ESYT3: variants seen among roughly 807,000 people sequenced by gnomAD.
The protein encoded by ESYT3 is extended synaptotagmin 3.
ESYT3 carries 101 observed loss-of-function variants against 111.5 expected under a neutral mutation model. That is an observed-to-expected ratio of 0.91 (90% CI 0.77 to 1.07). The LOEUF (loss-of-function observed/expected upper bound fraction) is 1.07. Among genes scored for constraint, ESYT3 ranks in the 50% least tolerant of loss-of-function variants. The pLI is 0.00. For missense variants in ESYT3, 1,097 were observed against 1,109.4 expected (o/e 0.99, Z 0.16); for synonymous variants, 416 against 446.8 (o/e 0.93, Z 0.87).
At position 138,465,301 on chromosome 3, in the gene ESYT3, T is replaced by A. The variant is rs116694408; in HGVS notation, c.1087-38T>A. 5,602 of 1,492,016 alleles carry A rather than the reference T, an allele frequency of 3.8e-3. 187 individuals are homozygous for A. In the African/African-American group the frequency reaches 0.067, roughly 18 times the overall value. The allele number at this position is 1,492,016 out of a possible 1,614,324, so 92.4% of individuals were successfully genotyped here. ...CCTTTGGGTCATATGTCAGGTCGAC[T>A]GTTGCCTGCAGGTCAAGACACCTCT... On this transcript the variant is annotated intron_variant, in intron 9 of 22. Transcript: ENST00000389567.
In ESYT3 at chr3:138,462,083, C is replaced by T; in HGVS notation, c.795-3C>T. 1.2e-6 allele frequency: 2 copies of T among 1,614,062 alleles called. No individual in the cohort carries two copies. The highest frequency in any genetic ancestry group is 1.1e-5 in the South Asian group (1 of 91,078). ...TCCACAGCTGGTCCTGCCTTGTGTC[C>T]AGTGATGTGTCAGACAGCTTACTGG... On this transcript the variant is annotated splice_region_variant and splice_polypyrimidine_tract_variant and intron_variant, in intron 7 of 22. Transcript: ENST00000389567.
At chr3:138,474,778 G>C (rs2033408010) in intron 20 of ESYT3, 1 of 154,432 alleles carries the variant, frequency 6.5e-6, no homozygotes, top group African/African-American at 2.4e-5. Context: ...CATAGGTGAT[G>C]GGTAGAGGAG....
intron 15 of ESYT3, 91 bp from the exon 16 acceptor site, chr3:138,469,969 G>T: frequency 9.1e-7 from 1 of 1,098,076 alleles, no homozygotes; most frequent in Non-Finnish European, 1.3e-6. Context: ...GTTCCCAATG[G>T]TACCTGGTGG....
rs539984092 is a variant in ESYT3, at chr3:138,438,645, A to G, written c.327+3520A>G. Among the ~76,000 whole-genome samples the G allele has an allele frequency of 1.9e-3, 294 of 152,224 alleles. 1 individual carries two copies. Among genetic ancestry groups the G allele is most frequent in the Non-Finnish European group, 3.6e-3 (247 of 68,002 alleles). ...GATGCTACCTCCAGGTGATCATAGA[A>G]ATTTGCTTTCCCTGACTGAACCTGT... On this transcript the variant is annotated intron_variant, in intron 1 of 22. Transcript: ENST00000389567.
At chr3:138,452,539 A>G (rs531335898) in intron 2 of ESYT3, among the ~76,000 whole-genome samples, 39 of 152,258 alleles carry the variant, frequency 2.6e-4, no homozygotes, top group Admixed American at 7.8e-4. Context: ...GGCTCGATTC[A>G]CTGACATCAC....
chr3:138,454,650 C>A (rs188110024), intron 2 of ESYT3, among the ~76,000 whole-genome samples: 475 of 152,336 alleles, frequency 3.1e-3, no homozygotes, highest in African/African-American at 0.01. Flanking sequence ...TTTCCACCAT[C>A]CTCCCCTGTC....
In ESYT3 at chr3:138,472,865, C is replaced by G. The variant is rs763156930; in HGVS notation, c.2237+6C>G. Reference sequence around the variant, plus strand: ...GATATCAGCCTCAACATTGAGTATGCACCTCTCTGCTTAATCTTTTCTAAA... The same window carrying G: ...GATATCAGCCTCAACATTGAGTATGGACCTCTCTGCTTAATCTTTTCTAAA... On this transcript the variant is annotated splice_donor_region_variant and intron_variant, in intron 18 of 22. Transcript: ENST00000389567. 1.9e-6 allele frequency: 3 copies of G among 1,609,140 alleles called. No homozygotes were observed. The South Asian group carries it at 3.3e-5, about 18-fold the overall frequency.
intron 8 of ESYT3, 128 bp from the exon 9 acceptor site, chr3:138,464,217 C>G: frequency 9.3e-7 from 1 of 1,076,992 alleles, no homozygotes; most frequent in Non-Finnish European, 1.3e-6. Flanking sequence ...TGGCTTCTAT[C>G]TCCTGGTCCA....
At chr3:138,469,113 A>G (rs981181389) in intron 14 of ESYT3, 11 of 605,284 alleles carry the variant, frequency 1.8e-5, no homozygotes, top group Non-Finnish European at 2.9e-5. Context: ...TTTTATTACC[A>G]TTTTCTGGGT....
Position 138,476,943 on chromosome 3 carries a change from T to C in ESYT3, c.*89T>C. ...TTGGATCACTTACATCCAATATATG[T>C]ATATTTTGTCATTTAAATCAGAACA... is the stretch of plus-strand genomic sequence containing the variant. On this transcript the variant is annotated 3_prime_UTR_variant, in exon 23 of 23. Coordinates refer to ENST00000389567, the MANE Select transcript of ESYT3 (RefSeq NM_031913.5). The C allele has an allele frequency of 9.9e-7, 1 of 1,006,326 alleles. No homozygotes were observed. Among genetic ancestry groups the C allele is most frequent in the African/African-American group, 1.7e-5 (1 of 60,554 alleles). The allele number at this position is 1,006,326 out of a possible 1,614,324, so 62.3% of individuals were successfully genotyped here. A position where few individuals can be genotyped will look rare whatever the true frequency, so the allele number is the denominator to read the frequency against.
At chr3:138,458,647 C>T (rs1357174982) in intron 4 of ESYT3, among the ~76,000 whole-genome samples, 2 of 152,236 alleles carry the variant, frequency 1.3e-5, no homozygotes, top group East Asian at 3.9e-4. Context: ...TCCCTGTGCC[C>T]ATCACCTGGC....
chr3:138,481,297 T>A (rs1051382492), downstream of ESYT3: 11 of 152,094 alleles, frequency 7.2e-5, no homozygotes, highest in African/African-American at 2.4e-4. Context: ...CCCAACTACT[T>A]GGAAGGCCGA....
chr3:138,437,475 G>T (rs2030804455), intron 1 of ESYT3, among the ~76,000 whole-genome samples: 1 of 152,216 alleles, frequency 6.6e-6, no homozygotes, highest in African/African-American at 2.4e-5. Flanking sequence ...GCCGAGGGAG[G>T]TGGTGAGCAC....
In ESYT3 at chr3:138,434,803, G is replaced by C; in HGVS notation, c.5G>C (p.Arg2Pro). MRAEEPCAPGAP... is the reference protein window; with the variant it reads MPAEEPCAPGAP... The stretch of plus-strand genomic sequence containing the variant: ...GGGCAAGACTGCGGCGACGAGATGC[G>C]AGCAGAGGAGCCCTGCGCCCCCGGG... The change falls in exon 1 of 23, where the codon CGA (arginine) becomes CCA (proline). Residue 2 changes from arginine to proline, a missense_variant. Coordinates refer to ENST00000389567, the MANE Select transcript of ESYT3 (RefSeq NM_031913.5). 6.4e-7 allele frequency: 1 copy of C among 1,555,690 alleles called. No homozygotes were observed. Among genetic ancestry groups the C allele is most frequent in the Non-Finnish European group, 8.7e-7 (1 of 1,154,322 alleles).
Position 138,478,806 on chromosome 3 carries a change from A to C in ESYT3, c.*1952A>C, listed in dbSNP as rs977926231. ...GTTAATACCTTGGCTGCCACTGAGG[A>C]CAAGAATTGGTTTTCAGCAGTGGGT... On this transcript the variant is annotated 3_prime_UTR_variant, in exon 23 of 23. Coordinates refer to ENST00000389567, the MANE Select transcript of ESYT3 (RefSeq NM_031913.5). The C allele has an allele frequency of 6.6e-6, 1 of 152,234 alleles. No homozygotes were observed. The highest frequency in any genetic ancestry group is 1.5e-5 in the Non-Finnish European group (1 of 68,058). 9.4% of individuals were successfully genotyped at this position (152,234 alleles called of 1,614,324 possible).
rs1236852504 is a variant in ESYT3, at chr3:138,467,615, G to A, written c.1218+6G>A. 1 of 1,613,950 alleles carries A rather than the reference G, an allele frequency of 6.2e-7. No individual in the cohort carries two copies. The highest frequency in any genetic ancestry group is 8.5e-7 in the Non-Finnish European group (1 of 1,179,986). The stretch of plus-strand genomic sequence containing the variant: ...CCAACAGAGTGGTGGATGAGGTACA[G>A]TTGGTGCTTGCAACCCTCGGGGGAG... On this transcript the variant is annotated splice_donor_region_variant and intron_variant, in intron 11 of 22. Coordinates refer to ENST00000389567, the MANE Select transcript of ESYT3 (RefSeq NM_031913.5).
rs778675554 is a variant in ESYT3 at position 138,440,368 on chromosome 3, A to C, written c.327+5243A>C. ...GCTTACCTAGTGCTGAGAGCTTGAC[A>C]TTCTTTCTGTGGTTGGAGCAGCAGT... On this transcript the variant is annotated intron_variant, in intron 1 of 22. Coordinates refer to ENST00000389567, the MANE Select transcript of ESYT3 (RefSeq NM_031913.5). This position sits in a 1 kb window ranked among gnomAD's most constrained non-coding sequence, Gnocchi z 4.2. Among the ~76,000 whole-genome samples the C allele has an allele frequency of 5.9e-5, 9 of 152,206 alleles. No individual in the cohort carries two copies. Among genetic ancestry groups the C allele is most frequent in the Non-Finnish European group, 1.5e-5 (1 of 68,036 alleles).
chr3:138,467,801 G>A (rs942566841), intron 11 of ESYT3, among the ~76,000 whole-genome samples, 192 bp downstream of exon 11: 2 of 152,182 alleles, frequency 1.3e-5, no homozygotes, highest in African/African-American at 2.4e-5. Flanking sequence ...GCTGGAAGAA[G>A]TTTCCCTGGG....
intron 16 of ESYT3, 59 bp downstream of exon 16, chr3:138,470,205 G>A (rs1576463725): frequency 2.6e-6 from 4 of 1,567,532 alleles, no homozygotes; most frequent in African/African-American, 2.7e-5. Context: ...CAGGCGGGCT[G>A]GGAAGCTTGA....
Sources: gnomAD v4.1 joint callset for allele counts (sites outside exome capture counted in the v4.1 genomes callset) on GRCh38, gnomAD v4.1.1 for gene constraint, Gnocchi (gnomAD v3.1) non-coding constraint, MANE v1.5 for transcripts, NCBI Gene and HGNC (gene_info 2026-07-23, HGNC 2026-07-21) for gene names.